The following CREBBP variants were observed in gnomAD, a reference collection of about 807,000 sequenced individuals.
CREBBP encodes CREB binding lysine acetyltransferase, also known as CREB-binding protein.
Under a neutral mutation model 265.0 loss-of-function variants are expected in CREBBP, and 19 were observed. That is an observed-to-expected ratio of 0.07 (90% CI 0.05 to 0.11). The LOEUF (loss-of-function observed/expected upper bound fraction) is 0.11. CREBBP is among the 10% of genes least tolerant of loss of function. The pLI, the probability that CREBBP is intolerant of heterozygous loss-of-function variation, is 1.00. For synonymous variants in CREBBP, 1,457 were observed against 1,223.7 expected (o/e 1.19, Z -3.98); for missense variants, 2,525 against 3,219.0 (o/e 0.78, Z 5.22).
rs1227969996 is a variant in CREBBP at position 3,793,299 on chromosome 16, C to G, written c.1216+87G>C. On this transcript the variant is annotated intron_variant, in intron 4 of 30. Transcript: ENST00000262367. ...GAAGGCAGCACTCAGGCTGCCGGAG[C>G]CTTATGAACCAGAGAGCTGCTGTAA... is the stretch of plus-strand genomic sequence containing the variant. 3 of 1,583,526 alleles carry G rather than the reference C, an allele frequency of 1.9e-6. No individual in the cohort carries two copies. The East Asian group carries it at 6.7e-5, about 35-fold the overall frequency.
At chr16:3,744,837 T>C (rs767802495) in intron 23 of CREBBP, 57 bp downstream of exon 23, 6 of 1,338,096 alleles carry the variant, frequency 4.5e-6, no homozygotes, top group East Asian at 4.6e-5. Context: ...ATGGGGACAA[T>C]TTCTACAAGT....
rs534846414 is a variant in CREBBP, at chr16:3,777,193, C to T, written c.2158+420G>A. ...TATTAAAAATACAAAAAATTAGCCA[C>T]GCGTGGTGGTGGGCGCCTGTAGTCC... On this transcript the variant is annotated intron_variant, in intron 11 of 30. Coordinates refer to ENST00000262367, the MANE Select transcript of CREBBP (RefSeq NM_004380.3). 3.4e-5 allele frequency among the ~76,000 whole-genome samples: 5 copies of T among 146,334 alleles called. No homozygotes were observed. In the South Asian group the frequency reaches 6.6e-4, roughly 19 times the overall value.
chr16:3,732,686 G>A (rs1239741422), intron 28 of CREBBP, among the ~76,000 whole-genome samples: 1 of 151,776 alleles, frequency 6.6e-6, no homozygotes, highest in African/African-American at 2.4e-5. Context: ...ATAGGCACCC[G>A]CCACCATGCC....
chr16:3,792,221 C>T, intron 4 of CREBBP, 127 bp from the exon 5 acceptor site: 1 of 826,218 alleles, frequency 1.2e-6, no homozygotes, highest in South Asian at 1.4e-5. Flanking sequence ...ACAGTATAGG[C>T]AGTCCTCAAC....
chr16:3,818,432 T>C (rs2054081088), intron 2 of CREBBP, among the ~76,000 whole-genome samples: 1 of 150,780 alleles, frequency 6.6e-6, no homozygotes, highest in Admixed American at 6.7e-5. Flanking sequence ...CTCAGCCTCC[T>C]GAGTAGCTGG....
chr16:3,777,904 G>T, intron 10 of CREBBP, 107 bp downstream of exon 10: 1 of 1,341,724 alleles, frequency 7.5e-7, no homozygotes, highest in Non-Finnish European at 1.1e-6. Context: ...GCTTCTGCAG[G>T]GCATGCATCA....
intron 28 of CREBBP, among the ~76,000 whole-genome samples, chr16:3,735,332 T>C (rs1378524923): frequency 6.6e-6 from 1 of 152,132 alleles, no homozygotes; most frequent in Non-Finnish European, 1.5e-5. Context: ...AGTCTCGCAC[T>C]GTCTCCTGGG....
At chr16:3,752,470 A>C (rs572176450) in intron 19 of CREBBP, among the ~76,000 whole-genome samples, 2 of 148,152 alleles carry the variant, frequency 1.3e-5, no homozygotes, top group East Asian at 2.0e-4. Context: ...TTTTTTTTTC[A>C]TGTTAATCAT....
At chr16:3,840,677 A>G in intron 2 of CREBBP, 1 of 165,098 alleles carries the variant, frequency 6.1e-6, no homozygotes, top group Non-Finnish European at 1.3e-5. Flanking sequence ...CAACCCTAGT[A>G]CCAAATTCTC....
intron 1 of CREBBP, among the ~76,000 whole-genome samples, chr16:3,857,201 T>TG (rs1384645548): frequency 6.6e-6 from 1 of 152,210 alleles, no homozygotes; most frequent in Non-Finnish European, 1.5e-5. Context: ...GCTTATGTCC[T>TG]GGGCTAGTGT....
Position 3,850,562 on chromosome 16 carries a change from T to G in CREBBP, c.533A>C (p.Asn178Thr). ...TGGGTGGGTCTGGTTAAAGTTAGCA[T>G]TCATGCAGATACCAGGTCCAGTCTG... ...TSQTGPGICM[N>T]ANFNQTHPGL... The change falls in exon 2 of 31, where the codon AAT becomes ACT. Residue 178 changes from asparagine (N) to threonine (T), a missense_variant. Around this residue, in one of 19 missense-constraint regions of CREBBP, gnomAD observed 356 missense variants for 340.4 expected, o/e 1.05. Transcript: ENST00000262367. 1 of 1,614,256 alleles carries G rather than the reference T, an allele frequency of 6.2e-7. No individual in the cohort carries two copies.
At chr16:3,859,919 G>A (rs186463193) in intron 1 of CREBBP, among the ~76,000 whole-genome samples, 1 of 152,224 alleles carries the variant, frequency 6.6e-6, no homozygotes, top group East Asian at 1.9e-4. Context: ...TCTGTCAACC[G>A]CTCTAGTAAA....
chr16:3,871,082 GAGAAAGAA>G (rs542035833), intron 1 of CREBBP, among the ~76,000 whole-genome samples: 1 of 145,852 alleles, frequency 6.9e-6, no homozygotes, highest in Non-Finnish European at 1.5e-5. Context: ...GGAAGGAAAA[GAGAAAGAA>G]AGAAAGAAAA....
intron 2 of CREBBP, among the ~76,000 whole-genome samples, chr16:3,834,868 CT>C (rs199562462): frequency 0.01 from 1,523 of 152,198 alleles, 27 homozygotes; most frequent in African/African-American, 0.034. Context: ...TCTTTAAAAG[CT>C]TTTCTTGGGC....
intron 2 of CREBBP, among the ~76,000 whole-genome samples, chr16:3,820,822 T>C (rs964365249): frequency 6.6e-6 from 1 of 152,274 alleles, no homozygotes; most frequent in African/African-American, 2.4e-5. Flanking sequence ...ATTGAGCCAC[T>C]GTGTACACAC....
chr16:3,753,536 A>G (rs899195477), intron 19 of CREBBP, among the ~76,000 whole-genome samples: 1 of 152,202 alleles, frequency 6.6e-6, no homozygotes, highest in African/African-American at 2.4e-5. Context: ...AGGCAGATTA[A>G]TGTTTTTCTT....
At chr16:3,796,376 A>T (rs1275479336) in intron 3 of CREBBP, among the ~76,000 whole-genome samples, 1 of 148,468 alleles carries the variant, frequency 6.7e-6, no homozygotes, top group Non-Finnish European at 1.5e-5. Context: ...GTGCCACCTA[A>T]CTGGCTTGTA....
intron 1 of CREBBP, among the ~76,000 whole-genome samples, chr16:3,873,991 T>C (rs952370805): frequency 2.6e-5 from 4 of 152,028 alleles, no homozygotes; most frequent in African/African-American, 9.7e-5. Flanking sequence ...AAGAGGGCCG[T>C]GGAAAGGCTC....
Position 3,879,944 on chromosome 16 carries a change from G to C in CREBBP, c.-28C>G. 6.2e-7 allele frequency: 1 copy of C among 1,601,284 alleles called. No homozygotes were observed. Among genetic ancestry groups the C allele is most frequent in the Non-Finnish European group, 8.5e-7 (1 of 1,173,832 alleles). On this transcript the variant is annotated 5_prime_UTR_variant, in exon 1 of 31. Transcript: ENST00000262367. ...TCACCTGCTCGCGAAAACAGCCCCG[G>C]GCACGGGCGGCCGGGCCGGCGAGGG...
Sources: gnomAD v4.1 joint callset for allele counts (sites outside exome capture counted in the v4.1 genomes callset) on GRCh38, gnomAD v4.1.1 for gene constraint, gnomAD v4.1.1 regional missense constraint, MANE v1.5 for transcripts, NCBI Gene and HGNC (gene_info 2026-07-23, HGNC 2026-07-21) for gene names.